Variants in KCNK10 observed in about 807,000 individuals in gnomAD.
KCNK10 encodes the protein potassium two pore domain channel subfamily K member 10.
KCNK10 carries 25 observed loss-of-function variants against 47.7 expected under a neutral mutation model. The observed-to-expected ratio is 0.52, with a 90% CI of 0.38 to 0.73. The LOEUF (loss-of-function observed/expected upper bound fraction) is 0.73, where lower values mean the gene tolerates loss of function less well. Among genes scored for constraint, KCNK10 ranks in the 30% least tolerant of loss-of-function variants. KCNK10 has a pLI of 0.00. For missense variants in KCNK10, 563 were observed against 714.5 expected (o/e 0.79, Z 2.42); for synonymous variants, 303 against 285.6 (o/e 1.06, Z -0.61).
At chr14:88,203,864 T>C (rs1595078848) in intron 4 of KCNK10, among the ~76,000 whole-genome samples, 1 of 152,076 alleles carries the variant, frequency 6.6e-6, no homozygotes, top group Admixed American at 6.6e-5. Context: ...CAGGACACGG[T>C]GACAACCCCT....
intron 1 of KCNK10, chr14:88,270,856 CAA>C: frequency 1.3e-6 from 1 of 780,466 alleles, no homozygotes. Context: ...CCCTTGCTAA[CAA>C]TGCTCTGAAG....
At chr14:88,291,625 G>T (rs186132732) in intron 1 of KCNK10, among the ~76,000 whole-genome samples, 83 of 152,302 alleles carry the variant, frequency 5.4e-4, no homozygotes, top group Non-Finnish European at 4.4e-5. Flanking sequence ...CACTGCTACA[G>T]GTAGGGGCAT....
chr14:88,286,163 T>C (rs191387333), intron 1 of KCNK10, among the ~76,000 whole-genome samples: 9 of 152,218 alleles, frequency 5.9e-5, no homozygotes, highest in Non-Finnish European at 7.4e-5. Flanking sequence ...ATACCTCCAG[T>C]TGATTTCAGC....
Position 88,217,713 on chromosome 14 carries a change from C to T in KCNK10, c.681+9662G>A, listed in dbSNP as rs560411136. 3.5e-5 allele frequency among the ~76,000 whole-genome samples: 5 copies of T among 142,776 alleles called. No individual in the cohort carries two copies. The South Asian group carries it at 1.1e-3, about 30-fold the overall frequency. 93.7% of individuals were successfully genotyped at this position (142,776 alleles called of 152,430 possible). On this transcript the variant is annotated intron_variant, in intron 4 of 6. Transcript: ENST00000319231. The stretch of plus-strand genomic sequence containing the variant: ...AGGACTATAGGCACTTACCACCTCA[C>T]CCAAGTAATTTGAATCTTTTTTTTT...
intron 1 of KCNK10, among the ~76,000 whole-genome samples, chr14:88,313,542 T>C (rs1210971357): frequency 6.6e-6 from 1 of 152,178 alleles, no homozygotes; most frequent in Non-Finnish European, 1.5e-5. Context: ...AAGCATCCCA[T>C]GGACAGGCCC....
chr14:88,295,180 T>C (rs1887961415), intron 1 of KCNK10, among the ~76,000 whole-genome samples: 1 of 152,204 alleles, frequency 6.6e-6, no homozygotes, highest in Admixed American at 6.5e-5. Flanking sequence ...GGAGATTATT[T>C]CCCCTAAATT....
chr14:88,321,522 T>C (rs1888546767), intron 1 of KCNK10, among the ~76,000 whole-genome samples: 1 of 152,352 alleles, frequency 6.6e-6, no homozygotes, highest in Admixed American at 6.5e-5. Context: ...TTAACAAATA[T>C]GCTTTTCAGG....
intron 3 of KCNK10, among the ~76,000 whole-genome samples, chr14:88,233,095 A>C (rs1886200709): frequency 6.6e-6 from 1 of 152,202 alleles, no homozygotes; most frequent in African/African-American, 2.4e-5. Flanking sequence ...GGATGTTCTC[A>C]CTTGCAGGTA....
chr14:88,232,723 C>T (rs1318275044), intron 3 of KCNK10, among the ~76,000 whole-genome samples: 1 of 152,236 alleles, frequency 6.6e-6, no homozygotes, highest in East Asian at 1.9e-4. Context: ...AGTGTTAACA[C>T]TGTACAATGA....
At chr14:88,207,812 T>A (rs892670867) in intron 4 of KCNK10, among the ~76,000 whole-genome samples, 1 of 151,972 alleles carries the variant, frequency 6.6e-6, no homozygotes, top group East Asian at 1.9e-4. Context: ...ATCAATACAG[T>A]GAGATGAATG....
At chr14:88,203,204 G>A (rs76278760) in intron 4 of KCNK10, among the ~76,000 whole-genome samples, 7,280 of 150,440 alleles carry the variant, frequency 0.048, 431 homozygotes, top group East Asian at 0.23. Flanking sequence ...GTATATGCCC[G>A]GGCAGACACA....
At chr14:88,232,228 A>G (rs1886178303) in intron 3 of KCNK10, among the ~76,000 whole-genome samples, 1 of 152,212 alleles carries the variant, frequency 6.6e-6, no homozygotes, top group Non-Finnish European at 1.5e-5. Flanking sequence ...CAAAGAATAC[A>G]CTTTTCAAAG....
chr14:88,241,207 T>G (rs558494714), intron 2 of KCNK10, among the ~76,000 whole-genome samples: 1 of 152,346 alleles, frequency 6.6e-6, no homozygotes, highest in Admixed American at 6.5e-5. Flanking sequence ...GCTTTTTCAC[T>G]CTTTTCTGTC....
intron 1 of KCNK10, among the ~76,000 whole-genome samples, chr14:88,279,737 G>A (rs1887606036): frequency 6.6e-6 from 1 of 152,056 alleles, no homozygotes; most frequent in Admixed American, 6.6e-5. Context: ...ACTAAACTGG[G>A]TGATATGATT....
chr14:88,226,622 G>A (rs1177624401), intron 4 of KCNK10, among the ~76,000 whole-genome samples: 2 of 152,198 alleles, frequency 1.3e-5, no homozygotes, highest in Non-Finnish European at 2.9e-5. Flanking sequence ...GCATACAAAT[G>A]AGTGCGAGTT....
rs980040591 is a variant in KCNK10, at chr14:88,181,450, G to A, written c.*4085C>T. 3 of 152,042 alleles carry A rather than the reference G, an allele frequency of 2.0e-5. No individual in the cohort carries two copies. The highest frequency in any genetic ancestry group is 7.3e-5 in the African/African-American group (3 of 41,244). 9.4% of individuals were successfully genotyped at this position (152,042 alleles called of 1,614,324 possible). ...TGTGTGTGTGTGTGTGAGAGAGAGAGAGATGTCTGTCTGATCATAGTACTT... is the reference window on the plus strand; with the variant it reads ...TGTGTGTGTGTGTGTGAGAGAGAGAAAGATGTCTGTCTGATCATAGTACTT... On this transcript the variant is annotated 3_prime_UTR_variant, in exon 7 of 7. Coordinates refer to ENST00000319231, the MANE Select transcript of KCNK10 (RefSeq NM_138317.3).
At chr14:88,203,372 T>C (rs1383443858) in intron 4 of KCNK10, among the ~76,000 whole-genome samples, 3 of 152,218 alleles carry the variant, frequency 2.0e-5, no homozygotes, top group African/African-American at 7.2e-5. Flanking sequence ...TAGCCATAGT[T>C]TCTCTCATTT....
intron 2 of KCNK10, among the ~76,000 whole-genome samples, chr14:88,245,277 T>C (rs1257319839): frequency 2.0e-5 from 3 of 152,302 alleles, no homozygotes; most frequent in South Asian, 2.1e-4. Flanking sequence ...AGAGCTGACT[T>C]GAAAGAGGGC....
At chr14:88,321,200 C>T (rs1888539249) in intron 1 of KCNK10, among the ~76,000 whole-genome samples, 1 of 152,182 alleles carries the variant, frequency 6.6e-6, no homozygotes, top group African/African-American at 2.4e-5. Flanking sequence ...GCCCTTTGCA[C>T]TTGCTGTTCC....
Sources: gnomAD v4.1 joint callset for allele counts (sites outside exome capture counted in the v4.1 genomes callset) on GRCh38, gnomAD v4.1.1 for gene constraint, MANE v1.5 for transcripts, NCBI Gene and HGNC (gene_info 2026-07-23, HGNC 2026-07-21) for gene names.